The following P4HA1 variants were observed in gnomAD, a reference collection of about 807,000 sequenced individuals.
The protein encoded by P4HA1 is prolyl 4-hydroxylase subunit alpha-1.
In P4HA1, 24 loss-of-function variants were observed where a neutral mutation model predicts 72.8. That is an observed-to-expected ratio of 0.33 (90% CI 0.24 to 0.46). The LOEUF (loss-of-function observed/expected upper bound fraction) is 0.46. Among genes scored for constraint, P4HA1 ranks in the 20% least tolerant of loss-of-function variants. The pLI, the probability that P4HA1 is intolerant of heterozygous loss-of-function variation, is 1.00. For synonymous variants in P4HA1, 201 were observed against 218.8 expected (o/e 0.92, Z 0.72); for missense variants, 446 against 640.6 (o/e 0.70, Z 3.28).
chr10:73,074,711 G>A, intron 2 of P4HA1, 97 bp downstream of exon 2: 4 of 710,556 alleles, frequency 5.6e-6, no homozygotes, highest in Non-Finnish European at 1.0e-5. Flanking sequence ...CTATACTCTA[G>A]GAATACACTG....
Position 73,030,317 on chromosome 10 carries a change from A to T in P4HA1, c.1202T>A (p.Ile401Lys). Residue 401 changes from isoleucine (I) to lysine (K), a missense_variant, in exon 10 of 15, where the codon ATA becomes AAA. Coordinates refer to ENST00000394890, the MANE Select transcript of P4HA1 (RefSeq NM_001017962.3). The stretch of plus-strand genomic sequence containing the variant: ...AACATCTAGTCCTGTTAGATCTTGT[A>T]TTCTCATATTAATTCGAGACACCAC... ...NPVVSRINMR[I>K]QDLTGLDVST... The T allele has an allele frequency of 1.9e-6, 3 of 1,580,954 alleles. No homozygotes were observed. The highest frequency in any genetic ancestry group is 2.6e-6 in the Non-Finnish European group (3 of 1,157,238).
chr10:73,031,808 A>C (rs1286839255), intron 9 of P4HA1, among the ~76,000 whole-genome samples: 1 of 152,202 alleles, frequency 6.6e-6, no homozygotes, highest in Non-Finnish European at 1.5e-5. Flanking sequence ...TCTCAATTTT[A>C]AATGGTACTC....
At chr10:73,053,685 T>C in intron 5 of P4HA1, 95 bp from the exon 6 acceptor site, 2 of 1,096,896 alleles carry the variant, frequency 1.8e-6, no homozygotes, top group Non-Finnish European at 2.6e-6. Context: ...CTCACTTCTA[T>C]TTGAAGTTCA....
chr10:73,039,551 C>G (rs925113966), intron 9 of P4HA1, among the ~76,000 whole-genome samples: 1 of 152,260 alleles, frequency 6.6e-6, no homozygotes, highest in African/African-American at 2.4e-5. Flanking sequence ...TCGGGATCTG[C>G]CCGCCTGGGC....
At chr10:73,044,341 A>T (rs535062272) in intron 9 of P4HA1, among the ~76,000 whole-genome samples, 2 of 152,222 alleles carry the variant, frequency 1.3e-5, no homozygotes, top group Non-Finnish European at 2.9e-5. Context: ...TCTCACTGAG[A>T]TAAAACTGTT....
intron 1 of P4HA1, among the ~76,000 whole-genome samples, chr10:73,078,979 A>G (rs571277053): frequency 5.0e-4 from 76 of 152,186 alleles, no homozygotes; most frequent in Non-Finnish European, 7.6e-4. Context: ...TGACAAAAAA[A>G]TTAACTTCGT....
At chr10:73,044,584 G>A (rs891742957) in intron 9 of P4HA1, among the ~76,000 whole-genome samples, 4 of 152,186 alleles carry the variant, frequency 2.6e-5, no homozygotes, top group African/African-American at 7.2e-5. Context: ...ATGAATCACC[G>A]CAGCATTTAT....
intron 10 of P4HA1, among the ~76,000 whole-genome samples, chr10:73,017,879 C>T (rs1840045153): frequency 6.6e-6 from 1 of 152,164 alleles, no homozygotes; most frequent in South Asian, 2.1e-4. Context: ...AATCACACAA[C>T]ACAATAAAAT....
chr10:73,022,679 C>T (rs1393341918), intron 10 of P4HA1, among the ~76,000 whole-genome samples: 2 of 152,026 alleles, frequency 1.3e-5, no homozygotes, highest in African/African-American at 4.8e-5. Flanking sequence ...TTCAGAAGGT[C>T]GGTAATAACA....
chr10:73,073,606 T>C (rs1438366733), intron 3 of P4HA1, 125 bp downstream of exon 3: 2 of 636,850 alleles, frequency 3.1e-6, no homozygotes, highest in Non-Finnish European at 5.6e-6. Context: ...ACTCCTATTT[T>C]AGCCATTGCA....
At chr10:73,059,415 CA>C (rs1841247272) in intron 5 of P4HA1, among the ~76,000 whole-genome samples, 1 of 38,444 alleles carries the variant, frequency 2.6e-5, no homozygotes, top group African/African-American at 9.2e-5. Context: ...AATAATGAGA[CA>C]ATATATTTAA....
intron 10 of P4HA1, among the ~76,000 whole-genome samples, chr10:73,024,339 C>T (rs1173281333): frequency 6.6e-6 from 1 of 152,226 alleles, no homozygotes; most frequent in Non-Finnish European, 1.5e-5. Flanking sequence ...TTAAGAAACT[C>T]ACTCAAAACC....
chr10:73,027,618 G>A (rs1840310937), intron 10 of P4HA1, among the ~76,000 whole-genome samples: 1 of 113,814 alleles, frequency 8.8e-6, no homozygotes, highest in Non-Finnish European at 1.7e-5. Context: ...GGGAAGGAAG[G>A]AAGGAAAGAA....
chr10:73,033,205 C>CA (rs1480556455), intron 9 of P4HA1, among the ~76,000 whole-genome samples: 2 of 152,120 alleles, frequency 1.3e-5, no homozygotes, highest in Non-Finnish European at 2.9e-5. Flanking sequence ...CAGGTAATTG[C>CA]AATGCTAAAT....
intron 13 of P4HA1, 42 bp from the exon 14 acceptor site, chr10:73,009,945 C>T (rs1408631026): frequency 9.4e-7 from 1 of 1,067,578 alleles, no homozygotes; most frequent in Non-Finnish European, 1.4e-6. Context: ...TATACAATGC[C>T]AGGTAATTGC....
In P4HA1 at chr10:73,092,341, CTTTT is replaced by C. The variant is rs1229197164; in HGVS notation, c.-33+4421_-33+4424del. Among the ~76,000 whole-genome samples, 27 of 134,358 alleles carry C rather than the reference CTTTT, an allele frequency of 2.0e-4. 1 individual carries two copies. The highest frequency in any genetic ancestry group is 7.3e-4 in the African/African-American group (26 of 35,800). 88.1% of individuals were successfully genotyped at this position (134,358 alleles called of 152,430 possible). On this transcript the variant is annotated intron_variant, in intron 1 of 14. Coordinates refer to ENST00000394890, the MANE Select transcript of P4HA1 (RefSeq NM_001017962.3). ...GCCATATTGTAAATAATTTTTTTTT[CTTTT>C]CTTTTTTTTTTTTTTTTTTTTAGAG...
intron 10 of P4HA1, among the ~76,000 whole-genome samples, chr10:73,017,265 A>G (rs1840030971): frequency 6.6e-6 from 1 of 150,488 alleles, no homozygotes; most frequent in Non-Finnish European, 1.5e-5. Context: ...GTATATATAG[A>G]TATCTATATC....
intron 5 of P4HA1, among the ~76,000 whole-genome samples, chr10:73,056,429 C>T (rs942500449): frequency 2.0e-5 from 3 of 150,700 alleles, no homozygotes; most frequent in Non-Finnish European, 4.4e-5. Context: ...GTCGGAAATT[C>T]GAGACCAGCC....
chr10:73,096,192 G>T (rs1842161084), intron 1 of P4HA1, among the ~76,000 whole-genome samples: 2 of 152,166 alleles, frequency 1.3e-5, no homozygotes, highest in South Asian at 4.1e-4. Context: ...CTGCACCGCT[G>T]CGCGCAACAG....
Sources: gnomAD v4.1 joint callset for allele counts (sites outside exome capture counted in the v4.1 genomes callset) on GRCh38, gnomAD v4.1.1 for gene constraint, MANE v1.5 for transcripts, NCBI Gene and HGNC (gene_info 2026-07-23, HGNC 2026-07-21) for gene names.